PLXNA4: variants seen among roughly 807,000 people sequenced by gnomAD.
The protein encoded by PLXNA4 is plexin A4, also known as plexin-A4.
PLXNA4 carries 44 observed loss-of-function variants against 191.8 expected under a neutral mutation model. The ratio of observed to expected loss-of-function variants is 0.23; its 90% CI spans 0.18 to 0.29. The LOEUF (loss-of-function observed/expected upper bound fraction) is 0.29, where lower values mean the gene tolerates loss of function less well. Among genes scored for constraint, PLXNA4 ranks in the 10% least tolerant of loss-of-function variants. The probability of loss-of-function intolerance (pLI) is 1.00; values close to 1 mark genes in which losing one functional copy is unlikely to be tolerated. For synonymous variants in PLXNA4, 1,082 were observed against 1,009.5 expected (o/e 1.07, Z -1.36); for missense variants, 1,800 against 2,488.8 (o/e 0.72, Z 5.89).
intron 3 of PLXNA4, among the ~76,000 whole-genome samples, chr7:132,455,376 A>G (rs1048090818): frequency 6.6e-6 from 1 of 152,128 alleles, no homozygotes; most frequent in Admixed American, 6.5e-5. Context: ...TCAGGTGTGC[A>G]GCAAAGCAGA....
chr7:132,574,391 C>T (rs940951826), intron 1 of PLXNA4, among the ~76,000 whole-genome samples: 1 of 152,222 alleles, frequency 6.6e-6, no homozygotes, highest in Non-Finnish European at 1.5e-5. Context: ...TGCTGCTGTA[C>T]GCGTAGGTGG....
chr7:132,429,836 G>A (rs935303613), intron 3 of PLXNA4, among the ~76,000 whole-genome samples: 3 of 152,150 alleles, frequency 2.0e-5, no homozygotes, highest in Non-Finnish European at 4.4e-5. Context: ...TCACATTGCC[G>A]TGGTAGGCCA....
At chr7:132,289,225 T>G (rs1800794135) in intron 4 of PLXNA4, among the ~76,000 whole-genome samples, 1 of 152,250 alleles carries the variant, frequency 6.6e-6, no homozygotes, top group Admixed American at 6.5e-5. Context: ...CAGGACAACA[T>G]GGACAGGCCT....
chr7:132,243,504 TA>T (rs1327441373), intron 4 of PLXNA4, among the ~76,000 whole-genome samples: 1 of 152,230 alleles, frequency 6.6e-6, no homozygotes, highest in Non-Finnish European at 1.5e-5. Context: ...TTCAGATTCT[TA>T]AAATATTTTG....
intron 2 of PLXNA4, among the ~76,000 whole-genome samples, chr7:132,619,755 A>G (rs1196859355): frequency 1.3e-5 from 2 of 152,256 alleles, no homozygotes; most frequent in Non-Finnish European, 1.5e-5. Context: ...CTACTGGAAC[A>G]TAATTGGAGA....
intron 2 of PLXNA4, among the ~76,000 whole-genome samples, chr7:132,631,109 C>T (rs527508953): frequency 5.3e-5 from 8 of 152,176 alleles, no homozygotes; most frequent in Non-Finnish European, 8.8e-5. Context: ...TGAAATCTCA[C>T]ATTTTATTTT....
At chr7:132,521,098 C>T (rs1799159336) in intron 1 of PLXNA4, among the ~76,000 whole-genome samples, 1 of 147,854 alleles carries the variant, frequency 6.8e-6, no homozygotes, top group Non-Finnish European at 1.5e-5. Flanking sequence ...AAATACAAAA[C>T]ATATTTCAGC....
chr7:132,161,185 A>T (rs766647743), intron 24 of PLXNA4, among the ~76,000 whole-genome samples: 21 of 152,204 alleles, frequency 1.4e-4, no homozygotes, highest in Non-Finnish European at 3.1e-4. Flanking sequence ...AGACAGCAAC[A>T]CAGCTTGCCC....
chr7:132,162,027 C>T (rs189200139), intron 24 of PLXNA4, among the ~76,000 whole-genome samples: 33 of 152,306 alleles, frequency 2.2e-4, no homozygotes, highest in Non-Finnish European at 4.0e-4. Context: ...GTGGTACACT[C>T]GCTTTCTCCC....
At chr7:132,598,716 C>T (rs1291288827) in intron 2 of PLXNA4, among the ~76,000 whole-genome samples, 2 of 150,548 alleles carry the variant, frequency 1.3e-5, no homozygotes, top group African/African-American at 5.0e-5. Flanking sequence ...AAACTATCTT[C>T]TCCCAATTGT....
In PLXNA4 at chr7:132,251,053, T is replaced by A. The variant is rs78199537; in HGVS notation, c.1504-9887A>T. On this transcript the variant is annotated intron_variant, in intron 4 of 31. Coordinates refer to ENST00000321063, the MANE Select transcript of PLXNA4 (RefSeq NM_020911.2). ...CAAAGTGCTGCTCCTGTTCCAGCCT[T>A]TTTTTTTTTTTTTTTGACTCTGTGT... Among the ~76,000 whole-genome samples, 25 of 128,792 alleles carry A rather than the reference T, an allele frequency of 1.9e-4. No homozygotes were observed. In the South Asian group the frequency reaches 8.5e-3, roughly 44 times the overall value. 84.5% of individuals were successfully genotyped at this position (128,792 alleles called of 152,430 possible).
intron 3 of PLXNA4, among the ~76,000 whole-genome samples, chr7:132,407,571 T>A (rs1351173637): frequency 6.6e-6 from 1 of 152,162 alleles, no homozygotes; most frequent in African/African-American, 2.4e-5. Context: ...AGGTCCTGCA[T>A]CCCAGCATGC....
chr7:132,525,105 C>G (rs1190070134), intron 1 of PLXNA4, among the ~76,000 whole-genome samples: 2 of 152,144 alleles, frequency 1.3e-5, no homozygotes, highest in African/African-American at 4.8e-5. Context: ...AACCTCCATT[C>G]TACATTCTAT....
intron 2 of PLXNA4, among the ~76,000 whole-genome samples, chr7:132,503,676 C>T (rs1334794303): frequency 6.6e-6 from 1 of 152,208 alleles, no homozygotes; most frequent in Non-Finnish European, 1.5e-5. Context: ...GATAGAGATG[C>T]ACCAGTGATA....
chr7:132,519,005 C>T (rs983482759), intron 1 of PLXNA4, among the ~76,000 whole-genome samples: 6 of 152,206 alleles, frequency 3.9e-5, no homozygotes, highest in African/African-American at 1.2e-4. Context: ...ACGTGGAGAT[C>T]GCCTTGAGAT....
At chr7:132,487,346 G>A (rs954915696) in intron 3 of PLXNA4, among the ~76,000 whole-genome samples, 1 of 152,166 alleles carries the variant, frequency 6.6e-6, no homozygotes, top group Admixed American at 6.5e-5. Flanking sequence ...GGAGAAAAGA[G>A]TTAAAGCATC....
chr7:132,620,687 T>G (rs1257932658), intron 2 of PLXNA4, among the ~76,000 whole-genome samples: 1 of 152,248 alleles, frequency 6.6e-6, no homozygotes, highest in Admixed American at 6.5e-5. Context: ...CTATAAATGA[T>G]GTAATAGGAT....
intron 2 of PLXNA4, among the ~76,000 whole-genome samples, chr7:132,632,985 C>A (rs1803522617): frequency 6.6e-6 from 1 of 152,028 alleles, no homozygotes; most frequent in South Asian, 2.1e-4. Context: ...GAGACAGACC[C>A]CCAGCTTCAA....
chr7:132,543,046 A>G (rs960165816), intron 1 of PLXNA4, among the ~76,000 whole-genome samples: 2 of 152,192 alleles, frequency 1.3e-5, no homozygotes, highest in Non-Finnish European at 2.9e-5. Context: ...GTGTCAGCTT[A>G]TCTTTGATTA....
Sources: gnomAD v4.1 joint callset for allele counts (sites outside exome capture counted in the v4.1 genomes callset) on GRCh38, gnomAD v4.1.1 for gene constraint, MANE v1.5 for transcripts, NCBI Gene and HGNC (gene_info 2026-07-23, HGNC 2026-07-21) for gene names.